Variants in NDST3 observed in about 807,000 individuals in gnomAD.
The protein encoded by NDST3 is N-deacetylase and N-sulfotransferase 3.
NDST3 carries 58 observed loss-of-function variants against 96.1 expected under a neutral mutation model. The ratio of observed to expected loss-of-function variants is 0.60; its 90% confidence interval spans 0.49 to 0.75. The LOEUF is 0.75. NDST3 is among the 30% of genes least tolerant of loss of function. NDST3 has a pLI of 0.00. For synonymous variants in NDST3, 333 were observed against 359.7 expected, an observed-to-expected ratio of 0.93 and a Z score of 0.84; for missense variants, 788 against 1,034.2, an observed-to-expected ratio of 0.76 and a Z score of 3.27.
At chr4:118,165,969 T>C (rs1034852632) in intron 6 of NDST3, among the ~76,000 whole-genome samples, 2 of 150,282 alleles carry the variant, frequency 1.3e-5, no homozygotes, top group Non-Finnish European at 3.0e-5. Flanking sequence ...ACAGAAAGAA[T>C]TAAAATAAAT....
chr4:118,076,668 G>A (rs1181125411), intron 2 of NDST3, among the ~76,000 whole-genome samples: 14 of 152,226 alleles, frequency 9.2e-5, no homozygotes, highest in African/African-American at 3.1e-4. Flanking sequence ...TTCTTAAAAC[G>A]GCTGTTTTAT....
In NDST3 at chr4:118,142,190, C is replaced by T. The variant is rs17515651; in HGVS notation, c.1411-1366C>T. On this transcript the variant is annotated intron_variant, in intron 5 of 13. Coordinates refer to ENST00000296499, the MANE Select transcript of NDST3 (RefSeq NM_004784.3). Reference sequence around the variant, plus strand: ...GCATAATGCTTTTAAACATAGACATCATCAGAGCTAATATTTTATACTTAA... The same window carrying T: ...GCATAATGCTTTTAAACATAGACATTATCAGAGCTAATATTTTATACTTAA... Among the ~76,000 whole-genome samples the T allele has an allele frequency of 4.4e-3, 672 of 151,952 alleles. 8 individuals are homozygous for T. Among genetic ancestry groups the T allele is most frequent in the African/African-American group, 0.015 (625 of 41,500 alleles).
At chr4:118,045,803 C>T (rs1724730311) in intron 1 of NDST3, among the ~76,000 whole-genome samples, 2 of 152,042 alleles carry the variant, frequency 1.3e-5, no homozygotes, top group Non-Finnish European at 2.9e-5. Context: ...TATTTTTCAC[C>T]TGTGCTTGTT....
intron 12 of NDST3, among the ~76,000 whole-genome samples, chr4:118,246,804 G>A (rs987551631): frequency 6.6e-6 from 1 of 152,104 alleles, no homozygotes; most frequent in Non-Finnish European, 1.5e-5. Context: ...ACTATCACAA[G>A]AGAAACTGCC....
chr4:118,077,826 A>G (rs759137020), intron 2 of NDST3, among the ~76,000 whole-genome samples: 2 of 152,148 alleles, frequency 1.3e-5, no homozygotes. Flanking sequence ...GGAACATGGG[A>G]TTGTGCTTGC....
chr4:118,200,213 A>G (rs1737978075), intron 6 of NDST3, among the ~76,000 whole-genome samples: 1 of 152,186 alleles, frequency 6.6e-6, no homozygotes, highest in South Asian at 2.1e-4. Flanking sequence ...AAATCTTAGA[A>G]GTCTACCTGG....
intron 3 of NDST3, among the ~76,000 whole-genome samples, chr4:118,113,323 T>C (rs1730796073): frequency 6.6e-6 from 1 of 152,110 alleles, no homozygotes; most frequent in African/African-American, 2.4e-5. Flanking sequence ...ATAAAGAAAA[T>C]AAAACATTAG....
chr4:118,247,933 C>T (rs1741427074), intron 12 of NDST3, among the ~76,000 whole-genome samples: 1 of 152,132 alleles, frequency 6.6e-6, no homozygotes, highest in Non-Finnish European at 1.5e-5. Context: ...ATTCAGTATT[C>T]ACCCATAGAA....
At chr4:118,086,951 T>C (rs1379030402) in intron 2 of NDST3, among the ~76,000 whole-genome samples, 1 of 152,180 alleles carries the variant, frequency 6.6e-6, no homozygotes, top group Non-Finnish European at 1.5e-5. Context: ...GCACCGCTTA[T>C]GGCAGGAAAG....
chr4:118,037,825 CAGA>C (rs1376304219), intron 1 of NDST3, among the ~76,000 whole-genome samples: 1 of 152,168 alleles, frequency 6.6e-6, no homozygotes, highest in Non-Finnish European at 1.5e-5. Context: ...CCCAAGGTAA[CAGA>C]AGAATAATTT....
chr4:118,050,123 A>G (rs962783372), intron 1 of NDST3, among the ~76,000 whole-genome samples: 1 of 152,152 alleles, frequency 6.6e-6, no homozygotes, highest in African/African-American at 2.4e-5. Context: ...ACAGAATTAA[A>G]AGCAAAGCCA....
intron 2 of NDST3, among the ~76,000 whole-genome samples, chr4:118,066,444 G>A (rs375015888): frequency 1.2e-4 from 3 of 25,644 alleles, no homozygotes; most frequent in African/African-American, 2.5e-4. Context: ...TATATCATAT[G>A]TTATATATTA....
chr4:118,247,393 A>C (rs962383404), intron 12 of NDST3, among the ~76,000 whole-genome samples: 3 of 152,044 alleles, frequency 2.0e-5, no homozygotes, highest in Non-Finnish European at 1.5e-5. Context: ...TTCTACTAAA[A>C]ATACAAAAAT....
chr4:118,044,802 C>T lies in NDST3; in HGVS notation c.-155-8954C>T, dbSNP rs188817633. On this transcript the variant is annotated intron_variant, in intron 1 of 13. Transcript: ENST00000296499. ...CATCTCATGGTGGAAGGTTGAAGGG[C>T]AAGACAGCATGCACAAAGGGGCAAG... 3.8e-3 allele frequency among the ~76,000 whole-genome samples: 571 copies of T among 152,236 alleles called. 3 individuals carry two copies. The highest frequency in any genetic ancestry group is 6.2e-3 in the Non-Finnish European group (419 of 68,024).
intron 9 of NDST3, among the ~76,000 whole-genome samples, chr4:118,234,444 C>T (rs1740510087): frequency 6.6e-6 from 1 of 151,992 alleles, no homozygotes; most frequent in East Asian, 1.9e-4. Flanking sequence ...CCATCGACTA[C>T]TTCAGCTGTA....
chr4:118,070,293 A>C (rs1349034237), intron 2 of NDST3, among the ~76,000 whole-genome samples: 1 of 152,096 alleles, frequency 6.6e-6, no homozygotes, highest in East Asian at 1.9e-4. Flanking sequence ...ATATGGTGAA[A>C]TAGGGTGAAC....
At chr4:118,155,320 T>C (rs550282547) in intron 6 of NDST3, among the ~76,000 whole-genome samples, 2 of 152,318 alleles carry the variant, frequency 1.3e-5, no homozygotes, top group Admixed American at 6.5e-5. Flanking sequence ...GTTTGCACAT[T>C]CACCCCATGT....
chr4:118,164,146 G>T (rs1211466632), intron 6 of NDST3, among the ~76,000 whole-genome samples: 1 of 152,162 alleles, frequency 6.6e-6, no homozygotes, highest in Non-Finnish European at 1.5e-5. Flanking sequence ...ATACACCATG[G>T]AATACAATGC....
In NDST3 at chr4:118,257,004, C is replaced by T. The variant is rs1006475471; in HGVS notation, c.*1292C>T. On this transcript the variant is annotated 3_prime_UTR_variant, in exon 14 of 14. Transcript: ENST00000296499. The stretch of plus-strand genomic sequence containing the variant: ...TAAGGATTAGCTACTAAATTAAATG[C>T]AGGAAGTACAAAGATGAGCAAGTCA... 6.6e-6 allele frequency: 1 copy of T among 152,120 alleles called. No individual in the cohort carries two copies. The highest frequency in any genetic ancestry group is 1.9e-4 in the East Asian group (1 of 5,180). The allele number at this position is 152,120 out of a possible 1,614,324, so 9.4% of individuals were successfully genotyped here.
Sources: gnomAD v4.1 joint callset for allele counts (sites outside exome capture counted in the v4.1 genomes callset) on GRCh38, gnomAD v4.1.1 for gene constraint, MANE v1.5 for transcripts, NCBI Gene and HGNC (gene_info 2026-07-23, HGNC 2026-07-21) for gene names.